The following KCNIP4 variants were observed in gnomAD, a reference collection of about 807,000 sequenced individuals.
KCNIP4 encodes the protein Kv channel-interacting protein 4.
In KCNIP4, 12 loss-of-function variants were observed where a neutral mutation model predicts 34.0. That is an observed-to-expected ratio of 0.35 (90% CI 0.23 to 0.57). The LOEUF is 0.57. Ranked by LOEUF, KCNIP4 falls within the 20% of genes least tolerant of loss-of-function variation. The pLI, the probability that KCNIP4 is intolerant of heterozygous loss-of-function variation, is 0.83. For synonymous variants in KCNIP4, 124 were observed against 102.2 expected (o/e 1.21, Z -1.29); for missense variants, 238 against 311.7 (o/e 0.76, Z 1.78).
At chr4:20,943,581 G>A (rs372273823) in intron 1 of KCNIP4, among the ~76,000 whole-genome samples, 3 of 152,126 alleles carry the variant, frequency 2.0e-5, no homozygotes, top group East Asian at 3.9e-4. Context: ...ATCCCAGGAT[G>A]GATGGCTAAC....
intron 1 of KCNIP4, among the ~76,000 whole-genome samples, chr4:21,305,551 T>C (rs1196520986): frequency 6.6e-6 from 1 of 152,228 alleles, no homozygotes; most frequent in Non-Finnish European, 1.5e-5. Context: ...AGTCCTCCTC[T>C]TATCATTCTC....
At chr4:21,921,195 C>T (rs115703180) in intron 1 of KCNIP4, among the ~76,000 whole-genome samples, 1,627 of 152,132 alleles carry the variant, frequency 0.011, 27 homozygotes, top group African/African-American at 0.037. Flanking sequence ...TCAGCTGTCA[C>T]GCCTTCCTTC....
intron 3 of KCNIP4, among the ~76,000 whole-genome samples, chr4:20,831,178 T>C (rs1186016580): frequency 6.7e-6 from 1 of 150,024 alleles, no homozygotes; most frequent in Non-Finnish European, 1.5e-5. Flanking sequence ...CAATTGAGCA[T>C]CAGGATCTAG....
chr4:21,297,848 T>C (rs1763931984), intron 1 of KCNIP4, among the ~76,000 whole-genome samples: 1 of 152,160 alleles, frequency 6.6e-6, no homozygotes, highest in East Asian at 1.9e-4. Flanking sequence ...ATACAATTTT[T>C]TTAATGGGCA....
At chr4:21,205,740 G>A (rs999679609) in intron 1 of KCNIP4, among the ~76,000 whole-genome samples, 6 of 152,156 alleles carry the variant, frequency 3.9e-5, no homozygotes, top group Non-Finnish European at 7.4e-5. Flanking sequence ...CTTGCCTGAG[G>A]TCACACGGTT....
chr4:21,641,223 T>C (rs2109233533), intron 1 of KCNIP4, among the ~76,000 whole-genome samples: 1 of 152,338 alleles, frequency 6.6e-6, no homozygotes, highest in African/African-American at 2.4e-5. Context: ...GTCCCCACTA[T>C]GCTATATTAC....
At chr4:20,890,303 G>A (rs192832335) in intron 1 of KCNIP4, among the ~76,000 whole-genome samples, 2 of 152,238 alleles carry the variant, frequency 1.3e-5, no homozygotes, top group East Asian at 3.9e-4. Context: ...ATATGAAGGA[G>A]GGATGGGGCC....
At chr4:21,589,654 C>A (rs1308994018) in intron 1 of KCNIP4, among the ~76,000 whole-genome samples, 1 of 151,870 alleles carries the variant, frequency 6.6e-6, no homozygotes, top group African/African-American at 2.4e-5. Flanking sequence ...GGACAGAAGG[C>A]AAATTATGCT....
chr4:21,012,901 G>C (rs1279463060), intron 1 of KCNIP4, among the ~76,000 whole-genome samples: 3 of 152,122 alleles, frequency 2.0e-5, no homozygotes, highest in Non-Finnish European at 4.4e-5. Context: ...GCCCTTCTAG[G>C]TAACATATTT....
At chr4:20,936,404 T>TAA (rs34779888) in intron 1 of KCNIP4, among the ~76,000 whole-genome samples, 2 of 94,538 alleles carry the variant, frequency 2.1e-5, no homozygotes, top group Admixed American at 2.5e-4. Flanking sequence ...GTACTAAGAT[T>TAA]AAAAGATATG....
chr4:21,294,930 C>T (rs548903858), intron 1 of KCNIP4, among the ~76,000 whole-genome samples: 16 of 152,166 alleles, frequency 1.1e-4, no homozygotes, highest in Non-Finnish European at 2.1e-4. Flanking sequence ...ACAACATTGT[C>T]TTCTTTTTTT....
intron 1 of KCNIP4, among the ~76,000 whole-genome samples, chr4:21,039,696 C>T (rs893121658): frequency 6.6e-6 from 1 of 152,172 alleles, no homozygotes; most frequent in African/African-American, 2.4e-5. Flanking sequence ...TAACCACTTT[C>T]ACTAACAGAC....
chr4:21,461,370 C>T (rs1267231046), intron 1 of KCNIP4, among the ~76,000 whole-genome samples: 3 of 151,770 alleles, frequency 2.0e-5, no homozygotes, highest in Non-Finnish European at 4.4e-5. Context: ...TCGGGTAGTT[C>T]TTTAAAGCAG....
intron 2 of KCNIP4, among the ~76,000 whole-genome samples, chr4:20,864,903 T>A (rs548829218): frequency 4.1e-4 from 63 of 152,098 alleles, no homozygotes; most frequent in African/African-American, 1.4e-3. Context: ...TGGATAAGAG[T>A]GTCTTCATCC....
chr4:21,535,208 G>A (rs1315661849), intron 1 of KCNIP4, among the ~76,000 whole-genome samples: 1 of 152,182 alleles, frequency 6.6e-6, no homozygotes, highest in African/African-American at 2.4e-5. Context: ...CAGTAGGCAA[G>A]TTTAAAGAGC....
At chr4:21,510,073 A>G (rs28601719) in intron 1 of KCNIP4, among the ~76,000 whole-genome samples, 8,386 of 130,806 alleles carry the variant, frequency 0.064, 878 homozygotes, top group African/African-American at 0.23. Context: ...GCAAAACTCC[A>G]TCTCCAAAAA....
intron 3 of KCNIP4, among the ~76,000 whole-genome samples, chr4:20,785,019 C>T (rs2149396784): frequency 6.6e-6 from 1 of 152,232 alleles, no homozygotes; most frequent in African/African-American, 2.4e-5. Context: ...CTAACCCCAC[C>T]CCAGAAACTG....
At chr4:20,935,217 A>G (rs1200909989) in intron 1 of KCNIP4, among the ~76,000 whole-genome samples, 1 of 152,180 alleles carries the variant, frequency 6.6e-6, no homozygotes, top group Non-Finnish European at 1.5e-5. Context: ...ACACTATTCC[A>G]CTAACTAGAG....
rs1284985209 is a variant in KCNIP4, at chr4:20,729,445, G to A, written c.*637C>T. On this transcript the variant is annotated 3_prime_UTR_variant, in exon 9 of 9. Transcript: ENST00000382152. ...ATGCTTATTAAAATAAGTTTTATTA[G>A]GCATATGCTGATATCTGATAATAAA... 1 of 142,068 alleles carries A rather than the reference G, an allele frequency of 7.0e-6. No homozygotes were observed. Among genetic ancestry groups the A allele is most frequent in the Non-Finnish European group, 1.6e-5 (1 of 63,786 alleles). The allele number at this position is 142,068 out of a possible 1,614,324, so 8.8% of individuals were successfully genotyped here.
Sources: gnomAD v4.1 joint callset for allele counts (sites outside exome capture counted in the v4.1 genomes callset) on GRCh38, gnomAD v4.1.1 for gene constraint, MANE v1.5 for transcripts, NCBI Gene and HGNC (gene_info 2026-07-23, HGNC 2026-07-21) for gene names.